Variants in LRRC28 observed in about 807,000 individuals in gnomAD.
LRRC28 encodes the protein leucine-rich repeat-containing protein 28.
LRRC28 carries 39 observed loss-of-function variants against 45.7 expected under a neutral mutation model. The ratio of observed to expected loss-of-function variants is 0.85; its 90% CI spans 0.66 to 1.12. The LOEUF (loss-of-function observed/expected upper bound fraction) is 1.12. LRRC28 is among the 50% of genes most tolerant of loss of function. LRRC28 has a pLI of 0.00. For synonymous variants in LRRC28, 206 were observed against 178.8 expected (o/e 1.15, Z -1.22); for missense variants, 435 against 438.5 (o/e 0.99, Z 0.07).
chr15:99,361,138 G>A (rs976578176), intron 7 of LRRC28, 198 bp from the exon 8 acceptor site: 1 of 548,664 alleles, frequency 1.8e-6, no homozygotes, highest in African/African-American at 1.9e-5. Flanking sequence ...ATTTAGCTGA[G>A]TTCCAACTGA....
At chr15:99,300,583 T>A (rs2152242280) in intron 5 of LRRC28, among the ~76,000 whole-genome samples, 1 of 152,282 alleles carries the variant, frequency 6.6e-6, no homozygotes, top group Admixed American at 6.5e-5. Flanking sequence ...TCCCAGCACT[T>A]TGGGAGGCCG....
chr15:99,276,992 A>C (rs1174644794), intron 3 of LRRC28, among the ~76,000 whole-genome samples: 2 of 152,170 alleles, frequency 1.3e-5, no homozygotes, highest in African/African-American at 4.8e-5. Context: ...TAAAATGTAC[A>C]GTAAAAGTCT....
chr15:99,272,952 G>A (rs1252291553), intron 2 of LRRC28, among the ~76,000 whole-genome samples: 1 of 152,148 alleles, frequency 6.6e-6, no homozygotes, highest in Non-Finnish European at 1.5e-5. Flanking sequence ...ACACTAGTTT[G>A]TGTGGCTTCT....
chr15:99,341,962 A>G (rs1366613154), intron 6 of LRRC28, among the ~76,000 whole-genome samples: 2 of 152,194 alleles, frequency 1.3e-5, no homozygotes, highest in African/African-American at 4.8e-5. Flanking sequence ...AGTGCAGCTG[A>G]GCAAGCAGTT....
chr15:99,346,158 G>GTTCA lies in LRRC28; in HGVS notation c.593-6184_593-6181dup, dbSNP rs372234952. ...CACAATGCCCAGCTAATAGTCATTT[G>GTTCA]TTCATTCATTCATTCATTCATTCAT... On this transcript the variant is annotated intron_variant, in intron 6 of 9. Transcript: ENST00000301981. 8.2e-3 allele frequency among the ~76,000 whole-genome samples: 1,242 copies of GTTCA among 151,790 alleles called. 24 individuals carry two copies. The highest frequency in any genetic ancestry group is 0.039 in the East Asian group (200 of 5,162).
At chr15:99,285,592 A>T in intron 3 of LRRC28, 1 of 711,832 alleles carries the variant, frequency 1.4e-6, no homozygotes, top group Non-Finnish European at 2.5e-6. Context: ...CAGGGGGAGG[A>T]GAGACTTTAA....
chr15:99,319,632 C>A (rs1455318758), intron 5 of LRRC28, among the ~76,000 whole-genome samples: 4 of 149,100 alleles, frequency 2.7e-5, no homozygotes, highest in African/African-American at 1.0e-4. Flanking sequence ...ACACACAAAG[C>A]ACGAGGTAAA....
chr15:99,271,175 T>C (rs2081467599), intron 2 of LRRC28, among the ~76,000 whole-genome samples: 1 of 152,212 alleles, frequency 6.6e-6, no homozygotes, highest in Non-Finnish European at 1.5e-5. Context: ...CTTTGCCAGA[T>C]ATATGATTTG....
intron 1 of LRRC28, among the ~76,000 whole-genome samples, chr15:99,252,216 A>G (rs2080838178): frequency 6.6e-6 from 1 of 152,262 alleles, no homozygotes. Flanking sequence ...TTAACTAGGT[A>G]AGATGTAGTC....
At chr15:99,361,967 T>G (rs1186946295) in intron 8 of LRRC28, among the ~76,000 whole-genome samples, 1 of 152,160 alleles carries the variant, frequency 6.6e-6, no homozygotes, top group African/African-American at 2.4e-5. Context: ...CCTTGCCGCC[T>G]CCTCGCATCT....
intron 5 of LRRC28, among the ~76,000 whole-genome samples, chr15:99,309,073 A>G (rs1479671324): frequency 1.3e-5 from 2 of 152,234 alleles, no homozygotes; most frequent in African/African-American, 2.4e-5. Flanking sequence ...ATTCCATTCT[A>G]TAAGAATCTT....
At chr15:99,363,082 G>A (rs1403773434) in intron 8 of LRRC28, 24 bp from the exon 9 acceptor site, 4 of 1,589,584 alleles carry the variant, frequency 2.5e-6, no homozygotes, top group African/African-American at 1.4e-5. Context: ...TTACTCGTGT[G>A]CGTGATTTTC....
chr15:99,270,626 C>T (rs1471839336), intron 2 of LRRC28, among the ~76,000 whole-genome samples: 1 of 152,136 alleles, frequency 6.6e-6, no homozygotes, highest in South Asian at 2.1e-4. Flanking sequence ...GTGTGTGATT[C>T]CGTAGGGATT....
chr15:99,273,435 C>T (rs903348945), intron 2 of LRRC28, among the ~76,000 whole-genome samples: 4 of 150,866 alleles, frequency 2.7e-5, no homozygotes, highest in Admixed American at 2.6e-4. Context: ...GACAGGGTTT[C>T]ACCGTGTTAG....
intron 5 of LRRC28, among the ~76,000 whole-genome samples, chr15:99,319,223 T>C (rs1955706636): frequency 6.6e-6 from 1 of 152,146 alleles, no homozygotes; most frequent in Non-Finnish European, 1.5e-5. Flanking sequence ...AGGTCAAAGC[T>C]TAAAAACTCC....
intron 6 of LRRC28, among the ~76,000 whole-genome samples, chr15:99,348,789 A>C (rs554884096): frequency 1.3e-5 from 2 of 151,106 alleles, no homozygotes; most frequent in East Asian, 3.9e-4. Flanking sequence ...GAATTTTAGA[A>C]AATTTTTTTC....
chr15:99,325,566 C>T (rs1209096541), intron 5 of LRRC28, among the ~76,000 whole-genome samples: 1 of 152,202 alleles, frequency 6.6e-6, no homozygotes, highest in African/African-American at 2.4e-5. Flanking sequence ...GTGTTCCATA[C>T]GTTCTCAGCT....
chr15:99,375,374 C>T (rs1957598890), intron 9 of LRRC28, among the ~76,000 whole-genome samples: 1 of 152,044 alleles, frequency 6.6e-6, no homozygotes, highest in African/African-American at 2.4e-5. Flanking sequence ...TTTGTTAATA[C>T]TTTGTTGAAG....
Position 99,322,423 on chromosome 15 carries a change from C to T in LRRC28, c.386-11500C>T, listed in dbSNP as rs558620463. 4.8e-4 allele frequency among the ~76,000 whole-genome samples: 73 copies of T among 152,050 alleles called. 1 individual carries two copies. Among genetic ancestry groups the T allele is most frequent in the Admixed American group, 1.3e-3 (20 of 15,264 alleles). ...AGCTTGGTGTCAACAGTAGAGGTCT[C>T]GGAGAGGCTAACAGATTCAGTATGG... On this transcript the variant is annotated intron_variant, in intron 5 of 9. Transcript: ENST00000301981.
Sources: allele counts gnomAD v4.1 joint callset (sites outside exome capture counted in the v4.1 genomes callset), GRCh38; gene constraint gnomAD v4.1.1; transcripts MANE v1.5; gene names NCBI Gene and HGNC (gene_info 2026-07-23, HGNC 2026-07-21).